The following REV3L variants were observed in gnomAD, a reference collection of about 807,000 sequenced individuals.
REV3L encodes the protein DNA polymerase zeta catalytic subunit.
In REV3L, 69 loss-of-function variants were observed where a neutral mutation model predicts 299.4. The observed-to-expected ratio is 0.23, with a 90% CI of 0.19 to 0.28. REV3L has a LOEUF of 0.28. Ranked by LOEUF, REV3L falls within the 10% of genes least tolerant of loss-of-function variation. REV3L has a pLI of 1.00. For synonymous variants in REV3L, 1,238 were observed against 1,271.4 expected, an observed-to-expected ratio of 0.97 and a Z score of 0.56; for missense variants, 3,128 against 3,693.8, an observed-to-expected ratio of 0.85 and a Z score of 3.97.
In REV3L at chr6:111,379,320, C is replaced by T. The variant is rs912864563; in HGVS notation, c.1454+662G>A. On this transcript the variant is annotated intron_variant, in intron 11 of 31. Coordinates refer to ENST00000368802, the MANE Select transcript of REV3L (RefSeq NM_001372078.1). Reference sequence around the variant, plus strand: ...AGTGATGGCTTTGGGTTGGAAATTTCAAATACAGACTAAAAAAGTTCTAAT... The same window carrying T: ...AGTGATGGCTTTGGGTTGGAAATTTTAAATACAGACTAAAAAAGTTCTAAT... Among the ~76,000 whole-genome samples the T allele has an allele frequency of 1.4e-4, 21 of 152,138 alleles. 1 individual carries two copies. Among genetic ancestry groups the T allele is most frequent in the Admixed American group, 1.1e-3 (17 of 15,290 alleles).
chr6:111,336,499 C>T (rs1775905858), intron 21 of REV3L, among the ~76,000 whole-genome samples: 1 of 151,766 alleles, frequency 6.6e-6, no homozygotes, highest in Non-Finnish European at 1.5e-5. Flanking sequence ...AAAAAAATAC[C>T]CTATTATAAA....
chr6:111,419,579 T>C (rs946481885), intron 1 of REV3L, among the ~76,000 whole-genome samples: 1 of 152,198 alleles, frequency 6.6e-6, no homozygotes, highest in Non-Finnish European at 1.5e-5. Flanking sequence ...TTAGGTTAAA[T>C]TGTGAGAAAA....
At chr6:111,450,544 A>G (rs1213621304) in intron 1 of REV3L, among the ~76,000 whole-genome samples, 1 of 151,010 alleles carries the variant, frequency 6.6e-6, no homozygotes, top group Non-Finnish European at 1.5e-5. Context: ...ATCTTTAAGC[A>G]GGCTTATATA....
chr6:111,419,478 C>T (rs1003774351), intron 1 of REV3L, among the ~76,000 whole-genome samples: 2 of 152,124 alleles, frequency 1.3e-5, no homozygotes, highest in Non-Finnish European at 2.9e-5. Flanking sequence ...TATTTCCCTC[C>T]GCTAGCTCTA....
chr6:111,422,747 A>G (rs1325654223), intron 1 of REV3L, among the ~76,000 whole-genome samples: 1 of 146,512 alleles, frequency 6.8e-6, no homozygotes, highest in Admixed American at 6.8e-5. Flanking sequence ...AGGGAGGAAG[A>G]AAGAATTTAC....
At chr6:111,408,657 A>G (rs1243598536) in intron 3 of REV3L, among the ~76,000 whole-genome samples, 2 of 133,818 alleles carry the variant, frequency 1.5e-5, no homozygotes, top group Non-Finnish European at 3.4e-5. Flanking sequence ...CAAAAACAAC[A>G]TTATTGAGAA....
intron 21 of REV3L, among the ~76,000 whole-genome samples, chr6:111,338,893 T>C (rs1776207893): frequency 6.6e-6 from 1 of 152,124 alleles, no homozygotes. Flanking sequence ...GATTTTCACA[T>C]ATTGGTTGAC....
intron 28 of REV3L, chr6:111,311,586 A>T (rs1264118476): frequency 6.0e-6 from 1 of 167,448 alleles, no homozygotes; most frequent in Non-Finnish European, 1.3e-5. Flanking sequence ...GGTACAAGAA[A>T]CCAGACACGA....
intron 1 of REV3L, among the ~76,000 whole-genome samples, chr6:111,476,070 T>C (rs906329184): frequency 2.6e-4 from 39 of 152,206 alleles, no homozygotes; most frequent in Admixed American, 4.6e-4. Flanking sequence ...TTTAGAATAT[T>C]TGCACATACA....
At chr6:111,386,706 A>G (rs889036418) in intron 9 of REV3L, among the ~76,000 whole-genome samples, 2 of 146,762 alleles carry the variant, frequency 1.4e-5, no homozygotes, top group Non-Finnish European at 3.0e-5. Flanking sequence ...TTTACTGCTT[A>G]TAACAGCACT....
chr6:111,319,177 T>G (rs1773861306), intron 26 of REV3L, among the ~76,000 whole-genome samples: 1 of 152,148 alleles, frequency 6.6e-6, no homozygotes, highest in Admixed American at 6.6e-5. Flanking sequence ...TAAAAGTTAT[T>G]ATTGGCTGGG....
At chr6:111,397,880 T>C (rs759606344) in intron 4 of REV3L, among the ~76,000 whole-genome samples, 1 of 151,968 alleles carries the variant, frequency 6.6e-6, no homozygotes, top group Non-Finnish European at 1.5e-5. Flanking sequence ...CAAGCAATCC[T>C]CCTGCCTCAG....
chr6:111,324,742 C>T (rs1254745282), intron 25 of REV3L, among the ~76,000 whole-genome samples: 1 of 152,134 alleles, frequency 6.6e-6, no homozygotes, highest in Non-Finnish European at 1.5e-5. Context: ...TTAACAGATT[C>T]TGCTACTTTG....
Position 111,341,095 on chromosome 6 carries a change from G to A in REV3L, c.7538+2830C>T, listed in dbSNP as rs577227903. Among the ~76,000 whole-genome samples, 5 of 146,824 alleles carry A rather than the reference G, an allele frequency of 3.4e-5. No homozygotes were observed. In the East Asian group the frequency reaches 8.0e-4, roughly 24 times the overall value. On this transcript the variant is annotated intron_variant, in intron 21 of 31. Transcript: ENST00000368802. ...TGTGTCGCCCAGACTGGAGTGGAGC[G>A]CAGTGGCGTGATCTTAGTCACTGCA...
chr6:111,332,591 G>A (rs934287144), intron 23 of REV3L, among the ~76,000 whole-genome samples: 3 of 151,884 alleles, frequency 2.0e-5, no homozygotes, highest in East Asian at 3.8e-4. Flanking sequence ...TCTCAAATAC[G>A]CAAAAATCAA....
intron 26 of REV3L, 87 bp from the exon 27 acceptor site, chr6:111,315,468 T>C (rs1458104552): frequency 3.2e-6 from 3 of 929,976 alleles, no homozygotes; most frequent in Non-Finnish European, 4.9e-6. Context: ...CTATGACTCT[T>C]GTCTAATGCC....
At chr6:111,381,609 A>G (rs1211619229) in intron 9 of REV3L, among the ~76,000 whole-genome samples, 165 bp from the exon 10 acceptor site, 1 of 152,228 alleles carries the variant, frequency 6.6e-6, no homozygotes, top group Non-Finnish European at 1.5e-5. Context: ...CCACAGAAAT[A>G]TTTAACCAGT....
chr6:111,389,727 A>ATT lies in REV3L; in HGVS notation c.757+357_757+358dup, dbSNP rs10713895. ...TTTTTCTATTCCATTTTGGTCATTAATTTTTTTTTTTTTTTTTTTTTTTTT... is the reference window on the plus strand; with the variant it reads ...TTTTTCTATTCCATTTTGGTCATTAATTTTTTTTTTTTTTTTTTTTTTTTTTT... On this transcript the variant is annotated intron_variant, in intron 6 of 31. Transcript: ENST00000368802. 1.3e-3 allele frequency among the ~76,000 whole-genome samples: 105 copies of ATT among 81,388 alleles called. 9 individuals carry two copies. Among genetic ancestry groups the ATT allele is most frequent in the Middle Eastern group, 0.016 (2 of 126 alleles). The allele number at this position is 81,388 out of a possible 152,430, so 53.4% of individuals were successfully genotyped here.
At chr6:111,425,919 GA>G (rs1272344104) in intron 1 of REV3L, among the ~76,000 whole-genome samples, 1 of 152,210 alleles carries the variant, frequency 6.6e-6, no homozygotes, top group African/African-American at 2.4e-5. Flanking sequence ...AAATTTACAA[GA>G]GGGGGTATGA....
Sources: allele counts gnomAD v4.1 joint callset (sites outside exome capture counted in the v4.1 genomes callset), GRCh38; gene constraint gnomAD v4.1.1; transcripts MANE v1.5; gene names NCBI Gene and HGNC (gene_info 2026-07-23, HGNC 2026-07-21).